The following MEF2A variants were observed in gnomAD, a reference collection of about 807,000 sequenced individuals.
MEF2A encodes myocyte enhancer factor 2A, also known as myocyte-specific enhancer factor 2A.
In MEF2A, 28 loss-of-function variants were observed where a neutral mutation model predicts 55.8. The observed-to-expected ratio is 0.50, with a 90% CI of 0.37 to 0.69. MEF2A has a LOEUF of 0.69. Ranked by LOEUF, MEF2A falls within the 30% of genes least tolerant of loss-of-function variation. MEF2A has a pLI of 0.00. For synonymous variants in MEF2A, 239 were observed against 227.1 expected, an observed-to-expected ratio of 1.05 and a Z score of -0.47; for missense variants, 528 against 626.2, an observed-to-expected ratio of 0.84 and a Z score of 1.67.
chr15:99,597,291 C>A (rs988039783), intron 1 of MEF2A, among the ~76,000 whole-genome samples: 1 of 152,022 alleles, frequency 6.6e-6, no homozygotes, highest in Non-Finnish European at 1.5e-5. Context: ...CTGAACTGGC[C>A]CCCCGGGTGT....
In MEF2A at chr15:99,633,190, A is replaced by G. The variant is rs560907582; in HGVS notation, c.54+17A>G. On this transcript the variant is annotated intron_variant, in intron 3 of 11. Transcript: ENST00000557942. ...AACCGACAGGTAAATGAAAATTTTAATTTATTTAATTGATATGAATATTCT... is the reference window on the plus strand; with the variant it reads ...AACCGACAGGTAAATGAAAATTTTAGTTTATTTAATTGATATGAATATTCT... 9 of 1,505,174 alleles carry G rather than the reference A, an allele frequency of 6.0e-6. No individual in the cohort carries two copies. The highest frequency in any genetic ancestry group is 1.9e-4 in the Middle Eastern group (1 of 5,148). 93.2% of individuals were successfully genotyped at this position (1,505,174 alleles called of 1,614,324 possible).
In MEF2A at chr15:99,712,051, G is replaced by T. The variant is rs756802532; in HGVS notation, c.1137-339G>T. On this transcript the variant is annotated intron_variant, in intron 11 of 11. Coordinates refer to ENST00000557942, the MANE Select transcript of MEF2A (RefSeq NM_001319206.4). This position sits in a 1 kb window ranked among gnomAD's most constrained non-coding sequence, Gnocchi z 4.1. ...GAGCAGATGCTGAGGAAGAAGAGGC[G>T]GTGAGCAGATGAGGCTGCTGTTCCT... is the stretch of plus-strand genomic sequence containing the variant. Among the ~76,000 whole-genome samples the T allele has an allele frequency of 2.6e-5, 4 of 152,228 alleles. No homozygotes were observed. The highest frequency in any genetic ancestry group is 9.6e-5 in the African/African-American group (4 of 41,458).
chr15:99,619,260 T>C (rs1246689069), intron 2 of MEF2A, among the ~76,000 whole-genome samples: 1 of 152,166 alleles, frequency 6.6e-6, no homozygotes, highest in African/African-American at 2.4e-5. Flanking sequence ...GGCTGCTGCA[T>C]TGCGCCTCAG....
chr15:99,605,198 T>C (rs781142451), intron 2 of MEF2A, among the ~76,000 whole-genome samples: 1 of 152,222 alleles, frequency 6.6e-6, no homozygotes, highest in Non-Finnish European at 1.5e-5. Flanking sequence ...TCTGGCTGCT[T>C]CAGTCTCCCA....
rs1343530058 is a variant in MEF2A at position 99,585,949 on chromosome 15, G to A, written c.-224-12481G>A. Among the ~76,000 whole-genome samples, 4 of 152,062 alleles carry A rather than the reference G, an allele frequency of 2.6e-5. No individual in the cohort carries two copies. The South Asian group carries it at 6.2e-4, about 24-fold the overall frequency. On this transcript the variant is annotated intron_variant, in intron 1 of 11. Coordinates refer to ENST00000557942, the MANE Select transcript of MEF2A (RefSeq NM_001319206.4). ...TTTTCCTAAATGGAATCATGCAATA[G>A]GTATTCTCTAGTGTCTGGCTTTTGT...
At chr15:99,583,092 T>C (rs2152876814) in intron 1 of MEF2A, among the ~76,000 whole-genome samples, 1 of 152,294 alleles carries the variant, frequency 6.6e-6, no homozygotes, top group Non-Finnish European at 1.5e-5. Flanking sequence ...AGTTGTTATG[T>C]TCATCTGTCA....
chr15:99,620,457 G>T (rs1208680299), intron 2 of MEF2A, among the ~76,000 whole-genome samples: 1 of 152,184 alleles, frequency 6.6e-6, no homozygotes, highest in Admixed American at 6.5e-5. Context: ...TTCTGTTCCT[G>T]TGTTAATTCG....
chr15:99,674,374 T>C lies in MEF2A; in HGVS notation c.391-19T>C, dbSNP rs185116424. The C allele has an allele frequency of 1.1e-5, 18 of 1,578,990 alleles. No individual in the cohort carries two copies. The East Asian group carries it at 2.9e-4, about 26-fold the overall frequency. On this transcript the variant is annotated intron_variant, in intron 5 of 11. Transcript: ENST00000557942. ...AATACGAAACCAACAGTTTTTTCCT[T>C]CTTTTTCTTTATTTACAGCCTGGTC...
chr15:99,708,191 G>A (rs947786552), intron 10 of MEF2A, among the ~76,000 whole-genome samples: 2 of 152,228 alleles, frequency 1.3e-5, no homozygotes, highest in African/African-American at 4.8e-5. Flanking sequence ...TTTATTCCAA[G>A]TGAGGAGGCA....
intron 1 of MEF2A, among the ~76,000 whole-genome samples, chr15:99,572,198 A>G (rs1001906721): frequency 5.3e-5 from 8 of 151,912 alleles, no homozygotes; most frequent in African/African-American, 1.9e-4. Flanking sequence ...TCTTCCCCTC[A>G]TTCATCACAT....
chr15:99,687,538 A>G (rs1039012665), intron 7 of MEF2A, among the ~76,000 whole-genome samples: 1 of 151,920 alleles, frequency 6.6e-6, no homozygotes, highest in Non-Finnish European at 1.5e-5. Flanking sequence ...GCCATTCCTC[A>G]CTCACACCTT....
In MEF2A at chr15:99,716,069, C is replaced by T. The variant is rs986531565; in HGVS notation, c.*3298C>T. 6.4e-6 allele frequency: 1 copy of T among 157,098 alleles called. No individual in the cohort carries two copies. Among genetic ancestry groups the T allele is most frequent in the Admixed American group, 6.2e-5 (1 of 16,110 alleles). The allele number at this position is 157,098 out of a possible 1,614,324, so 9.7% of individuals were successfully genotyped here. A position where few individuals can be genotyped will look rare whatever the true frequency, so the allele number is the denominator to read the frequency against. On this transcript the variant is annotated 3_prime_UTR_variant, in exon 12 of 12. Coordinates refer to ENST00000557942, the MANE Select transcript of MEF2A (RefSeq NM_001319206.4). ...AAAACTCCTGGCATTGGATCTTAAG[C>T]TAGATGATTAGAATGTGAAAAAGAT... is the stretch of plus-strand genomic sequence containing the variant.
At chr15:99,668,134 A>G (rs994533003) in intron 4 of MEF2A, among the ~76,000 whole-genome samples, 4 of 152,222 alleles carry the variant, frequency 2.6e-5, no homozygotes, top group African/African-American at 7.2e-5. Flanking sequence ...TGTTTCTAAC[A>G]AGTGCTTAAC....
intron 2 of MEF2A, among the ~76,000 whole-genome samples, chr15:99,608,736 C>T (rs1228708779): frequency 2.0e-5 from 3 of 152,024 alleles, no homozygotes; most frequent in Non-Finnish European, 4.4e-5. Context: ...CCCATCTCTA[C>T]TAAAAATACA....
chr15:99,628,804 C>G (rs552982753), intron 2 of MEF2A, among the ~76,000 whole-genome samples: 10 of 152,186 alleles, frequency 6.6e-5, no homozygotes. Context: ...AGTGAACCCT[C>G]TCAACCCTGT....
intron 1 of MEF2A, among the ~76,000 whole-genome samples, chr15:99,574,318 C>T (rs8040245): frequency 6.6e-6 from 1 of 152,074 alleles, no homozygotes; most frequent in African/African-American, 2.4e-5. Context: ...GGACCAGTTT[C>T]GTGGAAGACA....
chr15:99,602,653 G>GGTGTGTGTGTGT (rs773502316), intron 2 of MEF2A, among the ~76,000 whole-genome samples: 1,081 of 44,796 alleles, frequency 0.024, 186 homozygotes, highest in East Asian at 0.069. Context: ...ACATTCCTGG[G>GGTGTGTGTGTGT]GTGTGTGTGT....
rs138721443 is a variant in MEF2A, at chr15:99,573,944, C to T, written c.-225+7840C>T. On this transcript the variant is annotated intron_variant, in intron 1 of 11. Coordinates refer to ENST00000557942, the MANE Select transcript of MEF2A (RefSeq NM_001319206.4). ...TAAACCTAATTGATGGTATGGATTA[C>T]GAAGAGAAAGGGAGAGAAGAATCTA... Among the ~76,000 whole-genome samples the T allele has an allele frequency of 3.1e-3, 474 of 152,084 alleles. 4 individuals are homozygous for T. Among genetic ancestry groups the T allele is most frequent in the African/African-American group, 0.01 (435 of 41,466 alleles).
At chr15:99,702,600 G>A (rs912110007) in intron 8 of MEF2A, among the ~76,000 whole-genome samples, 4 of 151,932 alleles carry the variant, frequency 2.6e-5, no homozygotes, top group Non-Finnish European at 5.9e-5. Flanking sequence ...GCTAATTTTT[G>A]TAGTTTTAGT....
Sources: gnomAD v4.1 joint callset for allele counts (sites outside exome capture counted in the v4.1 genomes callset) on GRCh38, gnomAD v4.1.1 for gene constraint, Gnocchi (gnomAD v3.1) non-coding constraint, MANE v1.5 for transcripts, NCBI Gene and HGNC (gene_info 2026-07-23, HGNC 2026-07-21) for gene names.